Variants in SBK3 observed in about 807,000 individuals in gnomAD.
The protein encoded by SBK3 is uncharacterized serine/threonine-protein kinase SBK3.
In SBK3, 16 loss-of-function variants were observed where a neutral mutation model predicts 12.7. That is an observed-to-expected ratio of 1.26 (90% CI 0.86 to 1.92). The LOEUF (loss-of-function observed/expected upper bound fraction) is 1.92, where lower values mean the gene tolerates loss of function less well. Among genes scored for constraint, SBK3 ranks in the 40% most tolerant of loss-of-function variants. SBK3 has a pLI of 0.00. For missense variants in SBK3, 462 were observed against 481.8 expected (o/e 0.96, Z 0.38); for synonymous variants, 217 against 213.6 (o/e 1.02, Z -0.14).
At chr19:55,544,345 TC>T (rs1988626350) in intron 2 of SBK3, 43 bp from the exon 3 acceptor site, 1 of 1,461,026 alleles carries the variant, frequency 6.8e-7, no homozygotes, top group Non-Finnish European at 9.2e-7. Context: ...GCGGCTCCAG[TC>T]CTGCTGTGGG....
chr19:55,544,175 T>C lies in SBK3; in HGVS notation c.324A>G (p.Leu108=). ...CGAAGGCAAAATAGCGGGGGGTCTG[T>C]AGGGGTCCTGCCAGGGTCTGCAGCA... ...PGLLQTLAGP[L]QTPRYFAFAQ... is the part of the protein sequence containing the mutation. Residue 108 remains leucine, a synonymous_variant, in exon 3 of 4, where the codon CTA becomes CTG. Transcript: ENST00000612221. 1.3e-6 allele frequency: 2 copies of C among 1,535,756 alleles called. No homozygotes were observed. The highest frequency in any genetic ancestry group is 1.7e-6 in the Non-Finnish European group (2 of 1,146,778).
At chr19:55,542,467 T>TCATC (rs113583456) in intron 3 of SBK3, among the ~76,000 whole-genome samples, 44 of 136,050 alleles carry the variant, frequency 3.2e-4, no homozygotes, top group Admixed American at 1.6e-3. Flanking sequence ...ACCAAACCTT[T>TCATC]CATCCATCCA....
intron 2 of SBK3, among the ~76,000 whole-genome samples, 190 bp from the exon 3 acceptor site, chr19:55,544,492 G>T (rs1039958561): frequency 6.6e-6 from 1 of 152,136 alleles, no homozygotes; most frequent in East Asian, 1.9e-4. Context: ...TGCGGCGTGG[G>T]CTTGCACAGC....
Position 55,541,541 on chromosome 19 carries a change from A to G in SBK3, c.400-15T>C, listed in dbSNP as rs1988561622. The stretch of plus-strand genomic sequence containing the variant: ...TCTGGGAGGCCCTGAGGTCAAGAAG[A>G]CAGGAGGAGGGTCAGAGTGTCTTGG... On this transcript the variant is annotated splice_polypyrimidine_tract_variant and intron_variant, in intron 3 of 3. Transcript: ENST00000612221. The surrounding 1 kb of genome is among the most constrained non-coding windows in gnomAD (Gnocchi z 5.3). 3 of 1,491,092 alleles carry G rather than the reference A, an allele frequency of 2.0e-6. No homozygotes were observed. The highest frequency in any genetic ancestry group is 2.7e-6 in the Non-Finnish European group (3 of 1,120,098). 92.4% of individuals were successfully genotyped at this position (1,491,092 alleles called of 1,614,324 possible).
At chr19:55,544,667 T>C (rs1988632480) in intron 2 of SBK3, 132 bp downstream of exon 2, 1 of 932,162 alleles carries the variant, frequency 1.1e-6, no homozygotes. Context: ...CCCAGAGCTC[T>C]TAACTTTCAG....
In SBK3 at chr19:55,540,805, G is replaced by C. The variant is rs773038044; in HGVS notation, c.*41C>G. 7.9e-6 allele frequency: 12 copies of C among 1,513,176 alleles called. No homozygotes were observed. In the South Asian group the frequency reaches 1.4e-4, roughly 18 times the overall value. The allele number at this position is 1,513,176 out of a possible 1,614,324, so 93.7% of individuals were successfully genotyped here. A position where few individuals can be genotyped will look rare whatever the true frequency, so the allele number is the denominator to read the frequency against. On this transcript the variant is annotated 3_prime_UTR_variant, in exon 4 of 4. Transcript: ENST00000612221. ...GGTGGCCCTGGGGGCTGGGGGAAGG[G>C]CCTCTGGCCCAGGCTCTGGCCACCT...
intron 2 of SBK3, 76 bp downstream of exon 2, chr19:55,544,722 GC>G: frequency 7.4e-7 from 1 of 1,358,284 alleles, no homozygotes; most frequent in East Asian, 2.6e-5. Flanking sequence ...TCCTGGGAAT[GC>G]CCCCTGTCTG....
chr19:55,544,895 T>A lies in SBK3; in HGVS notation c.100A>T (p.Thr34Ser). ...TGGTCCCGAAGGCTCCTCACCGGGG[T>A]CACCCTGCTGGTCGTCAGCTCCACC... ...RLVELTTSRV[T>S]PVRSLRDQYH... The change falls in exon 2 of 4, where the codon ACC becomes TCC. Residue 34 changes from threonine (T) to serine (S), a missense_variant. Physicochemically the swap from Thr to Ser is moderately conservative, Grantham distance 58. Coordinates refer to ENST00000612221, the MANE Select transcript of SBK3 (RefSeq NM_001199824.2). The A allele has an allele frequency of 3.3e-6, 5 of 1,533,662 alleles. No homozygotes were observed. Among genetic ancestry groups the A allele is most frequent in the Non-Finnish European group, 4.4e-6 (5 of 1,146,202 alleles).
chr19:55,542,837 C>T (rs909536641), intron 3 of SBK3, among the ~76,000 whole-genome samples: 15 of 150,380 alleles, frequency 1.0e-4, no homozygotes, highest in Middle Eastern at 3.4e-3. Flanking sequence ...TCCATCCATC[C>T]GTCCATCCAC....
In SBK3 at chr19:55,545,401, T is replaced by C. The variant is rs1988653300; in HGVS notation, c.45+98A>G. ...GGTCTCTGAGGTCTTTGCGTTTCCC[T>C]GTTTTCTGTTTCTCTTCCTCTCTCT... On this transcript the variant is annotated intron_variant, in intron 1 of 3. Coordinates refer to ENST00000612221, the MANE Select transcript of SBK3 (RefSeq NM_001199824.2). The surrounding 1 kb of genome is among the most constrained non-coding windows in gnomAD (Gnocchi z 4.4). 1 of 1,019,886 alleles carries C rather than the reference T, an allele frequency of 9.8e-7. No homozygotes were observed. Among genetic ancestry groups the C allele is most frequent in the African/African-American group, 1.6e-5 (1 of 62,244 alleles). 63.2% of individuals were successfully genotyped at this position (1,019,886 alleles called of 1,614,324 possible).
chr19:55,544,199 C>T lies in SBK3; in HGVS notation c.300G>A (p.Leu100=). 1.3e-6 allele frequency: 2 copies of T among 1,536,016 alleles called. No homozygotes were observed. The highest frequency in any genetic ancestry group is 1.7e-6 in the Non-Finnish European group (2 of 1,146,864). The change falls in exon 3 of 4, where the codon CTG becomes CTA. Residue 100 remains leucine (L), a synonymous_variant. Transcript: ENST00000612221. Reference sequence around the variant, plus strand: ...GTAGGGGTCCTGCCAGGGTCTGCAGCAGGCCTGGGTGTGCAGAGACGCAGC... The same window carrying T: ...GTAGGGGTCCTGCCAGGGTCTGCAGTAGGCCTGGGTGTGCAGAGACGCAGC... ...VGRCVSAHPG[L]LQTLAGPLQT...
chr19:55,544,950 C>G lies in SBK3; in HGVS notation c.46-1G>C. 4 of 1,528,802 alleles carry G rather than the reference C, an allele frequency of 2.6e-6. No homozygotes were observed. Among genetic ancestry groups the G allele is most frequent in the Non-Finnish European group, 3.5e-6 (4 of 1,143,888 alleles). The allele number at this position is 1,528,802 out of a possible 1,614,324, so 94.7% of individuals were successfully genotyped here. A position where few individuals can be genotyped will look rare whatever the true frequency, so the allele number is the denominator to read the frequency against. Reference sequence around the variant, plus strand: ...GTTGGAGGGCTGTGGCTGTGTCCTCCTACGGGAGAGGGGCAGGGTGAGGAG... The same window carrying G: ...GTTGGAGGGCTGTGGCTGTGTCCTCGTACGGGAGAGGGGCAGGGTGAGGAG... On this transcript the variant is annotated splice_acceptor_variant, in intron 1 of 3. Transcript: ENST00000612221. LOFTEE classifies it high-confidence loss of function.
chr19:55,544,145 C>G lies in SBK3; in HGVS notation c.354G>C (p.Gln118His), dbSNP rs1355025267. 6.5e-7 allele frequency: 1 copy of G among 1,534,104 alleles called. No individual in the cohort carries two copies. The highest frequency in any genetic ancestry group is 1.4e-5 in the African/African-American group (1 of 72,980). The change falls in exon 3 of 4, where the codon CAG becomes CAC. Residue 118 changes from glutamine (Q) to histidine (H), a missense_variant. Transcript: ENST00000612221. Reference sequence around the variant, plus strand: ...TGAGGTCCCCACAGGGCGCGTACTCCTGGGCGAAGGCAAAATAGCGGGGGG... The same window carrying G: ...TGAGGTCCCCACAGGGCGCGTACTCGTGGGCGAAGGCAAAATAGCGGGGGG... ...LQTPRYFAFA[Q>H]EYAPCGDLSG...
intron 3 of SBK3, among the ~76,000 whole-genome samples, chr19:55,542,490 T>TCCAC (rs1254291620): frequency 7.3e-6 from 1 of 136,812 alleles, no homozygotes; most frequent in Non-Finnish European, 1.6e-5. Context: ...CATCCATCCA[T>TCCAC]CCATCCACCC....
intron 3 of SBK3, among the ~76,000 whole-genome samples, chr19:55,543,783 A>T (rs1435852444): frequency 1.3e-5 from 2 of 151,990 alleles, no homozygotes; most frequent in Non-Finnish European, 2.9e-5. Flanking sequence ...ACCCATGCCC[A>T]CACCCTAACC....
rs578100114 is a variant in SBK3 at position 55,544,224 on chromosome 19, C to T, written c.275G>A (p.Arg92His). ...STFLREFCVG[R>H]CVSAHPGLLQ... ...CAGGCCTGGGTGTGCAGAGACGCAGCGGCCCACACAGAACTCCCTCAGGAA... is the reference window on the plus strand; with the variant it reads ...CAGGCCTGGGTGTGCAGAGACGCAGTGGCCCACACAGAACTCCCTCAGGAA... Residue 92 changes from arginine (R) to histidine (H), a missense_variant, in exon 3 of 4, where the codon CGC becomes CAC. By Grantham distance (29) the Arg-to-His change is conservative. Coordinates refer to ENST00000612221, the MANE Select transcript of SBK3 (RefSeq NM_001199824.2). The T allele has an allele frequency of 3.4e-5, 52 of 1,536,000 alleles. No homozygotes were observed. In the East Asian group the frequency reaches 9.3e-4, roughly 27 times the overall value.
chr19:55,541,471 TC>T lies in SBK3; in HGVS notation c.454del (p.Asp152ThrfsTer35). On this transcript the variant is annotated frameshift_variant, in exon 4 of 4. Transcript: ENST00000612221. LOFTEE classifies it low-confidence loss of function (END_TRUNC). This position sits in a 1 kb window ranked among gnomAD's most constrained non-coding sequence, Gnocchi z 5.3. The stretch of plus-strand genomic sequence containing the variant: ...GACCAGCCCCCGGCTGTGGAGGAAG[TC>T]CAGAGCTCCTGCCAACTGGGCCACC... Reference protein sequence around the residue: ...RVVAQLAGALDFLHSRGLVHA... With the variant: ...RVVAQLAGALXFLHSRGLVHA... 1.3e-6 allele frequency: 2 copies of T among 1,531,172 alleles called. No homozygotes were observed. Among genetic ancestry groups the T allele is most frequent in the Non-Finnish European group, 1.7e-6 (2 of 1,143,382 alleles). The allele number at this position is 1,531,172 out of a possible 1,614,324, so 94.8% of individuals were successfully genotyped here.
At position 55,541,052 on chromosome 19, in the gene SBK3, C is replaced by G; in HGVS notation, c.874G>C (p.Glu292Gln). Reference protein sequence around the residue: ...LLQGLLDLDPETRSPPLAVLD... With the variant: ...LLQGLLDLDPQTRSPPLAVLD... ...ACAGCCAGTGGGGGGCTCCTAGTCT[C>G]GGGATCCAGGTCCAGAAGCCCCTGG... The change falls in exon 4 of 4, where the codon GAG becomes CAG. Residue 292 changes from glutamate (E) to glutamine (Q), a missense_variant. Physicochemically the swap from Glu to Gln is conservative, Grantham distance 29. Transcript: ENST00000612221. The surrounding 1 kb of genome is among the most constrained non-coding windows in gnomAD (Gnocchi z 5.3). The G allele has an allele frequency of 1.3e-6, 2 of 1,536,034 alleles. No individual in the cohort carries two copies. Among genetic ancestry groups the G allele is most frequent in the African/African-American group, 2.7e-5 (2 of 73,162 alleles).
chr19:55,542,332 C>G (rs1428095641), intron 3 of SBK3, among the ~76,000 whole-genome samples: 1 of 152,158 alleles, frequency 6.6e-6, no homozygotes, highest in Non-Finnish European at 1.5e-5. Flanking sequence ...CACCCATCCA[C>G]TCACCATCCA....
Sources: allele counts gnomAD v4.1 joint callset (sites outside exome capture counted in the v4.1 genomes callset), GRCh38; gene constraint gnomAD v4.1.1; non-coding constraint Gnocchi (gnomAD v3.1); transcripts MANE v1.5; gene names NCBI Gene and HGNC (gene_info 2026-07-23, HGNC 2026-07-21).